The following ANK3 variants were observed in gnomAD, a reference collection of about 807,000 sequenced individuals.
The protein encoded by ANK3 is ankyrin-3.
ANK3 carries 57 observed loss-of-function variants against 370.9 expected under a neutral mutation model. The ratio of observed to expected loss-of-function variants is 0.15; its 90% CI spans 0.12 to 0.19. The LOEUF (loss-of-function observed/expected upper bound fraction) is 0.19. ANK3 is among the 10% of genes least tolerant of loss of function. ANK3 has a pLI of 1.00. For synonymous variants in ANK3, 1,929 were observed against 1,946.3 expected (o/e 0.99, Z 0.23); for missense variants, 4,439 against 5,302.1 (o/e 0.84, Z 5.06).
At chr10:60,032,375 T>C (rs1382183112) in intron 43 of ANK3, among the ~76,000 whole-genome samples, 1 of 151,732 alleles carries the variant, frequency 6.6e-6, no homozygotes, top group Non-Finnish European at 1.5e-5. Context: ...TCTGGCTAAT[T>C]TTTTGTATTT....
chr10:60,057,418 A>C (rs2079426721), intron 41 of ANK3, among the ~76,000 whole-genome samples: 1 of 152,194 alleles, frequency 6.6e-6, no homozygotes, highest in African/African-American at 2.4e-5. Context: ...TATAATATAT[A>C]CTTATATATG....
At chr10:60,118,896 A>G (rs1317942687) in intron 25 of ANK3, among the ~76,000 whole-genome samples, 1 of 152,196 alleles carries the variant, frequency 6.6e-6, no homozygotes, top group African/African-American at 2.4e-5. Flanking sequence ...CAATCATGTA[A>G]TATTTATCAA....
At chr10:60,229,883 T>C (rs1436576517) in intron 8 of ANK3, among the ~76,000 whole-genome samples, 1 of 152,180 alleles carries the variant, frequency 6.6e-6, no homozygotes, top group African/African-American at 2.4e-5. Context: ...ACGTGCATCT[T>C]AGAGTTAAGG....
chr10:60,355,741 CA>C (rs2057630709), intron 1 of ANK3, among the ~76,000 whole-genome samples: 1 of 152,198 alleles, frequency 6.6e-6, no homozygotes, highest in African/African-American at 2.4e-5. Context: ...CATCTCCCTC[CA>C]GGCTCCTTTT....
intron 42 of ANK3, 65 bp downstream of exon 42, chr10:60,055,588 TCAATC>T: frequency 6.7e-7 from 1 of 1,501,400 alleles, no homozygotes; most frequent in East Asian, 2.3e-5. Flanking sequence ...GGCTGCAAGA[TCAATC>T]CAAAGAAGTA....
intron 1 of ANK3, among the ~76,000 whole-genome samples, chr10:60,346,319 A>G (rs952841822): frequency 3.9e-5 from 6 of 152,116 alleles, no homozygotes; most frequent in Non-Finnish European, 8.8e-5. Context: ...AAGAACAAAC[A>G]AAAGGAAGTA....
intron 23 of ANK3, among the ~76,000 whole-genome samples, chr10:60,144,971 C>A (rs2094745393): frequency 6.6e-6 from 1 of 152,150 alleles, no homozygotes; most frequent in South Asian, 2.1e-4. Flanking sequence ...TTCCCCCACC[C>A]GATGTACTTT....
chr10:60,721,247 G>A (rs980313605), intron 1 of ANK3, among the ~76,000 whole-genome samples: 1 of 152,168 alleles, frequency 6.6e-6, no homozygotes, highest in Non-Finnish European at 1.5e-5. Flanking sequence ...CCCAGAAGAG[G>A]AGTACTTGAG....
At chr10:60,417,060 A>G (rs1174562483) in intron 2 of ANK3, among the ~76,000 whole-genome samples, 1 of 152,202 alleles carries the variant, frequency 6.6e-6, no homozygotes, top group Admixed American at 6.6e-5. Context: ...TAGGAAAGAT[A>G]TCCAGATGAG....
chr10:60,533,007 T>C (rs2076643985), intron 2 of ANK3, among the ~76,000 whole-genome samples: 1 of 151,916 alleles, frequency 6.6e-6, no homozygotes, highest in African/African-American at 2.4e-5. Context: ...TAAAACAGAG[T>C]ATATCATGTT....
intron 1 of ANK3, among the ~76,000 whole-genome samples, chr10:60,625,820 G>A (rs1376340159): frequency 6.6e-6 from 1 of 152,008 alleles, no homozygotes; most frequent in Non-Finnish European, 1.5e-5. Flanking sequence ...AAGAATGCAT[G>A]GTTCTTATAA....
intron 1 of ANK3, among the ~76,000 whole-genome samples, chr10:60,711,887 T>C (rs1313101862): frequency 2.0e-5 from 3 of 152,338 alleles, no homozygotes; most frequent in South Asian, 4.1e-4. Context: ...TAGATTTCTC[T>C]TCAGAAACTG....
chr10:60,696,445 AC>A (rs1418145690), intron 1 of ANK3, among the ~76,000 whole-genome samples: 1 of 151,172 alleles, frequency 6.6e-6, no homozygotes, highest in Non-Finnish European at 1.5e-5. Flanking sequence ...CAGAGACACA[AC>A]CAAAAAAGAG....
intron 2 of ANK3, among the ~76,000 whole-genome samples, chr10:60,427,167 T>C (rs1294949772): frequency 1.3e-5 from 2 of 152,152 alleles, no homozygotes; most frequent in Non-Finnish European, 2.9e-5. Flanking sequence ...CCAATTTAGG[T>C]AATTAATTCA....
At position 60,278,667 on chromosome 10, in the gene ANK3, T is replaced by C. The variant is rs1479369478; in HGVS notation, c.414+107A>G. Reference sequence around the variant, plus strand: ...AATATAACTTTTTAAATATAGTTCTTAAGTATTCTGTTCTTAGAGGATATG... The same window carrying C: ...AATATAACTTTTTAAATATAGTTCTCAAGTATTCTGTTCTTAGAGGATATG... On this transcript the variant is annotated intron_variant, in intron 4 of 43. Transcript: ENST00000280772. The C allele has an allele frequency of 4.5e-6, 4 of 894,266 alleles. No individual in the cohort carries two copies. In the East Asian group the frequency reaches 7.3e-5, roughly 16 times the overall value. 55.4% of individuals were successfully genotyped at this position (894,266 alleles called of 1,614,324 possible).
intron 2 of ANK3, among the ~76,000 whole-genome samples, chr10:60,538,633 T>C (rs1419223919): frequency 1.3e-5 from 2 of 151,932 alleles, no homozygotes; most frequent in Non-Finnish European, 2.9e-5. Flanking sequence ...AGGCCAGATA[T>C]GTAGAAAGAA....
chr10:60,535,679 C>G (rs545008802), intron 2 of ANK3, among the ~76,000 whole-genome samples: 1 of 152,032 alleles, frequency 6.6e-6, no homozygotes, highest in East Asian at 1.9e-4. Context: ...GTTAATTCCC[C>G]TCACAGGGCA....
At chr10:60,612,225 G>A (rs768026379) in intron 2 of ANK3, among the ~76,000 whole-genome samples, 2 of 152,076 alleles carry the variant, frequency 1.3e-5, no homozygotes, top group African/African-American at 2.4e-5. Flanking sequence ...TATCTCTGTC[G>A]AGTTCAGAGC....
intron 2 of ANK3, among the ~76,000 whole-genome samples, chr10:60,404,181 A>G (rs1257226664): frequency 1.3e-5 from 2 of 151,024 alleles, no homozygotes; most frequent in Non-Finnish European, 2.9e-5. Flanking sequence ...TCAGAACTGT[A>G]GATTCAACAT....
Sources: allele counts gnomAD v4.1 joint callset (sites outside exome capture counted in the v4.1 genomes callset), GRCh38; gene constraint gnomAD v4.1.1; transcripts MANE v1.5; gene names NCBI Gene and HGNC (gene_info 2026-07-23, HGNC 2026-07-21).